The following ZNF277 variants were observed in gnomAD, a reference collection of about 807,000 sequenced individuals.
ZNF277 encodes nuclear receptor-interacting factor 4.
A neutral mutation model predicts 60.7 loss-of-function variants in ZNF277; 55 were observed. The ratio of observed to expected loss-of-function variants is 0.91; its 90% CI spans 0.73 to 1.13. ZNF277 has a LOEUF of 1.13. Among genes scored for constraint, ZNF277 ranks in the 50% most tolerant of loss-of-function variants. The pLI, the probability that ZNF277 is intolerant of heterozygous loss-of-function variation, is 0.00. For synonymous variants in ZNF277, 178 were observed against 179.3 expected (o/e 0.99, Z 0.06); for missense variants, 510 against 523.0 (o/e 0.98, Z 0.24).
rs780394948 is a variant in ZNF277, at chr7:112,339,833, C to G, written c.967-10C>G. On this transcript the variant is annotated splice_polypyrimidine_tract_variant and intron_variant, in intron 9 of 11. Transcript: ENST00000361822. The stretch of plus-strand genomic sequence containing the variant: ...TCATATGCTTACAGATGTATTCATT[C>G]CTTTTTTAGGATGCACACGAATTTG... 1.9e-6 allele frequency: 3 copies of G among 1,610,914 alleles called. No individual in the cohort carries two copies. Among genetic ancestry groups the G allele is most frequent in the Non-Finnish European group, 2.5e-6 (3 of 1,178,588 alleles).
At chr7:112,312,245 C>T (rs1333579722) in intron 4 of ZNF277, among the ~76,000 whole-genome samples, 3 of 151,998 alleles carry the variant, frequency 2.0e-5, no homozygotes, top group African/African-American at 7.2e-5. Flanking sequence ...TGCATCAGAG[C>T]TTGAGTCCTA....
At chr7:112,221,301 A>T (rs1292577806) in intron 1 of ZNF277, among the ~76,000 whole-genome samples, 1 of 151,986 alleles carries the variant, frequency 6.6e-6, no homozygotes, top group African/African-American at 2.4e-5. Flanking sequence ...CTAAGATTCC[A>T]TTCCTTGGAA....
chr7:112,244,591 A>C (rs1791036953), intron 1 of ZNF277, among the ~76,000 whole-genome samples: 1 of 152,188 alleles, frequency 6.6e-6, no homozygotes, highest in South Asian at 2.1e-4. Context: ...TTAAATATAC[A>C]CAGAAATAAA....
intron 5 of ZNF277, among the ~76,000 whole-genome samples, chr7:112,320,877 G>A (rs1229521739): frequency 1.4e-5 from 2 of 145,952 alleles, no homozygotes; most frequent in Non-Finnish European, 3.0e-5. Flanking sequence ...TGTTGAATAG[G>A]TATTTTCTAG....
chr7:112,256,910 C>T (rs1306772748), intron 1 of ZNF277, among the ~76,000 whole-genome samples: 1 of 152,110 alleles, frequency 6.6e-6, no homozygotes, highest in African/African-American at 2.4e-5. Context: ...AAATTCAAAA[C>T]ACTGGGGAAA....
intron 5 of ZNF277, among the ~76,000 whole-genome samples, chr7:112,323,651 G>T (rs1447316884): frequency 6.6e-6 from 1 of 152,160 alleles, no homozygotes; most frequent in Non-Finnish European, 1.5e-5. Flanking sequence ...GTTGAGCCAT[G>T]TTTCTTAAAT....
chr7:112,281,974 A>T (rs1449969166), intron 1 of ZNF277, among the ~76,000 whole-genome samples: 1 of 152,194 alleles, frequency 6.6e-6, no homozygotes, highest in Non-Finnish European at 1.5e-5. Flanking sequence ...CTGGGATTAC[A>T]GGCCTGTGCC....
intron 1 of ZNF277, among the ~76,000 whole-genome samples, chr7:112,250,342 C>T (rs1353392727): frequency 6.6e-6 from 1 of 152,182 alleles, no homozygotes; most frequent in Non-Finnish European, 1.5e-5. Context: ...CCCGGAACTT[C>T]ATTAGCAATT....
intron 4 of ZNF277, among the ~76,000 whole-genome samples, chr7:112,298,912 T>A (rs796736225): frequency 1.6e-4 from 25 of 152,286 alleles, no homozygotes; most frequent in African/African-American, 5.8e-4. Flanking sequence ...TAGTCATTAT[T>A]TGGCCTCTCA....
chr7:112,327,043 A>G (rs1250431022), intron 5 of ZNF277, among the ~76,000 whole-genome samples: 1 of 152,184 alleles, frequency 6.6e-6, no homozygotes, highest in African/African-American at 2.4e-5. Flanking sequence ...GTTCCAGGTC[A>G]TTGTCCAATG....
At chr7:112,330,010 C>G in intron 6 of ZNF277, 74 bp from the exon 7 acceptor site, 1 of 1,486,568 alleles carries the variant, frequency 6.7e-7, no homozygotes, top group Non-Finnish European at 9.0e-7. Context: ...AAATATGAAA[C>G]TCAATAATAA....
At chr7:112,244,848 GTAGTT>G (rs1791046386) in intron 1 of ZNF277, among the ~76,000 whole-genome samples, 2 of 152,090 alleles carry the variant, frequency 1.3e-5, no homozygotes, top group South Asian at 4.1e-4. Flanking sequence ...TTATAATTTA[GTAGTT>G]TAAAGCCTCA....
chr7:112,260,878 G>T (rs1488318127), intron 1 of ZNF277, among the ~76,000 whole-genome samples: 3 of 152,236 alleles, frequency 2.0e-5, no homozygotes, highest in East Asian at 1.9e-4. Context: ...TTTCATCTGA[G>T]GTTCACTTCT....
At chr7:112,304,325 C>G (rs1207564166) in intron 4 of ZNF277, among the ~76,000 whole-genome samples, 1 of 152,046 alleles carries the variant, frequency 6.6e-6, no homozygotes, top group Non-Finnish European at 1.5e-5. Context: ...TTCAAATGCT[C>G]TAGTGATCAG....
chr7:112,281,527 T>A (rs1253661779), intron 1 of ZNF277, among the ~76,000 whole-genome samples: 1 of 152,246 alleles, frequency 6.6e-6, no homozygotes, highest in Non-Finnish European at 1.5e-5. Flanking sequence ...TATTTATTGT[T>A]ATCTTAGAAT....
At chr7:112,231,842 C>T (rs1422847548) in intron 1 of ZNF277, among the ~76,000 whole-genome samples, 1 of 151,806 alleles carries the variant, frequency 6.6e-6, no homozygotes, top group African/African-American at 2.4e-5. Context: ...TTTATGTATT[C>T]TTTCTGACTA....
In ZNF277 at chr7:112,287,035, T is replaced by C. The variant is rs1223517772; in HGVS notation, c.254T>C (p.Ile85Thr). ...LLKHMIIEHK[I>T]VIADVKLVAD... ...AAGCACATGATTATTGAGCATAAGA[T>C]TGTCATAGCTGATGTCAAGTTGGTT... Residue 85 changes from isoleucine (I) to threonine (T), a missense_variant, in exon 2 of 12, where the codon ATT becomes ACT. Ile to Thr is a moderately conservative substitution (Grantham distance 89, BLOSUM62 -1). Coordinates refer to ENST00000361822, the MANE Select transcript of ZNF277 (RefSeq NM_021994.3). 9 of 1,613,934 alleles carry C rather than the reference T, an allele frequency of 5.6e-6. No individual in the cohort carries two copies. The Admixed American group carries it at 1.3e-4, about 24-fold the overall frequency.
chr7:112,283,293 C>T (rs1290998734), intron 1 of ZNF277, among the ~76,000 whole-genome samples: 1 of 152,152 alleles, frequency 6.6e-6, no homozygotes, highest in Non-Finnish European at 1.5e-5. Context: ...TTTGGGAGGC[C>T]AAGGCAGGAG....
At chr7:112,307,832 T>C (rs1792636309) in intron 4 of ZNF277, among the ~76,000 whole-genome samples, 1 of 151,942 alleles carries the variant, frequency 6.6e-6, no homozygotes, top group Admixed American at 6.6e-5. Flanking sequence ...TGCTTTTTTT[T>C]CCATTTTATA....
Sources: gnomAD v4.1 joint callset for allele counts (sites outside exome capture counted in the v4.1 genomes callset) on GRCh38, gnomAD v4.1.1 for gene constraint, MANE v1.5 for transcripts, NCBI Gene and HGNC (gene_info 2026-07-23, HGNC 2026-07-21) for gene names.